The following TNNI3K variants were observed in gnomAD, a reference collection of about 807,000 sequenced individuals.
The protein encoded by TNNI3K is serine/threonine-protein kinase TNNI3K.
TNNI3K carries 140 observed loss-of-function variants against 114.5 expected under a neutral mutation model. That is an observed-to-expected ratio of 1.22 (90% CI 1.07 to 1.41). The LOEUF is 1.41. Ranked by LOEUF, TNNI3K falls within the 40% of genes most tolerant of loss-of-function variation. The pLI, the probability that TNNI3K is intolerant of heterozygous loss-of-function variation, is 0.00. For synonymous variants in TNNI3K, 347 were observed against 347.5 expected, an observed-to-expected ratio of 1.00 and a Z score of 0.02; for missense variants, 1,125 against 1,007.6, an observed-to-expected ratio of 1.12 and a Z score of -1.58.
At chr1:74,248,846 T>A (rs1232571042) in intron 2 of TNNI3K, among the ~76,000 whole-genome samples, 1 of 152,156 alleles carries the variant, frequency 6.6e-6, no homozygotes, top group East Asian at 1.9e-4. Context: ...TTCTGAAGGC[T>A]CTTATGTCTT....
chr1:74,504,734 T>C (rs982296940), intron 23 of TNNI3K, among the ~76,000 whole-genome samples: 1 of 152,012 alleles, frequency 6.6e-6, no homozygotes, highest in Admixed American at 6.5e-5. Flanking sequence ...CATATCCACC[T>C]GAGAGAGAGA....
At chr1:74,359,307 C>T (rs1372190415) in intron 11 of TNNI3K, among the ~76,000 whole-genome samples, 2 of 151,988 alleles carry the variant, frequency 1.3e-5, no homozygotes, top group Non-Finnish European at 2.9e-5. Flanking sequence ...ATAAGAATGG[C>T]GGCAGCTCTT....
chr1:74,520,203 T>C (rs1646411023), intron 23 of TNNI3K, among the ~76,000 whole-genome samples: 1 of 152,068 alleles, frequency 6.6e-6, no homozygotes, highest in Non-Finnish European at 1.5e-5. Context: ...TTCTTATGCA[T>C]GTGCATCCTC....
chr1:74,320,496 A>G (rs1175318943), intron 5 of TNNI3K, among the ~76,000 whole-genome samples: 1 of 152,252 alleles, frequency 6.6e-6, no homozygotes, highest in African/African-American at 2.4e-5. Context: ...TTAAGAAAGT[A>G]TCTTGCAATA....
intron 2 of TNNI3K, among the ~76,000 whole-genome samples, chr1:74,236,772 T>G (rs1005233036): frequency 6.6e-6 from 1 of 151,828 alleles, no homozygotes; most frequent in Non-Finnish European, 1.5e-5. Context: ...AAAAATAATC[T>G]AAGTGTCACA....
chr1:74,254,277 A>C (rs963031670), intron 4 of TNNI3K, among the ~76,000 whole-genome samples: 1 of 152,208 alleles, frequency 6.6e-6, no homozygotes, highest in Admixed American at 6.5e-5. Context: ...GCAATTATAA[A>C]ATTAAAAAGA....
At chr1:74,421,255 C>T (rs1383538575) in intron 17 of TNNI3K, among the ~76,000 whole-genome samples, 2 of 152,114 alleles carry the variant, frequency 1.3e-5, no homozygotes, top group African/African-American at 4.8e-5. Flanking sequence ...ACCTTACTGA[C>T]TTCTAATTGC....
At chr1:74,508,343 A>G (rs1458616689) in intron 23 of TNNI3K, among the ~76,000 whole-genome samples, 1 of 152,246 alleles carries the variant, frequency 6.6e-6, no homozygotes. Flanking sequence ...GTACCAGATA[A>G]CAGGCTATGG....
intron 4 of TNNI3K, among the ~76,000 whole-genome samples, chr1:74,260,530 A>G (rs537127450): frequency 1.3e-5 from 2 of 152,292 alleles, no homozygotes; most frequent in Admixed American, 6.5e-5. Context: ...AGAATTATCT[A>G]TTTTATTGTG....
chr1:74,406,973 T>C (rs1257285951), intron 17 of TNNI3K, among the ~76,000 whole-genome samples: 1 of 152,218 alleles, frequency 6.6e-6, no homozygotes, highest in African/African-American at 2.4e-5. Context: ...TTGTCAAAGT[T>C]AGTGTCTTTG....
At chr1:74,329,782 A>C (rs1359911885) in intron 5 of TNNI3K, among the ~76,000 whole-genome samples, 2 of 151,938 alleles carry the variant, frequency 1.3e-5, no homozygotes, top group African/African-American at 4.8e-5. Context: ...CCATTTTTTT[A>C]TCTTTAAAAT....
chr1:74,254,407 A>G (rs1374673112), intron 4 of TNNI3K, among the ~76,000 whole-genome samples: 3 of 152,188 alleles, frequency 2.0e-5, no homozygotes, highest in Non-Finnish European at 1.5e-5. Context: ...ATAGGATTCA[A>G]TCCACAATCA....
At chr1:74,511,023 A>T (rs1405279362) in intron 23 of TNNI3K, among the ~76,000 whole-genome samples, 1 of 149,138 alleles carries the variant, frequency 6.7e-6, no homozygotes, top group African/African-American at 2.5e-5. Context: ...AAGTAGCTGG[A>T]ATTACAGGCG....
chr1:74,515,754 G>C (rs1646340004), intron 23 of TNNI3K, among the ~76,000 whole-genome samples: 1 of 152,118 alleles, frequency 6.6e-6, no homozygotes, highest in South Asian at 2.1e-4. Context: ...CATTCAAGTA[G>C]GTCAAAAAAT....
At chr1:74,374,232 T>G (rs1455557200) in intron 17 of TNNI3K, 1 of 151,842 alleles carries the variant, frequency 6.6e-6, no homozygotes, top group Non-Finnish European at 1.5e-5. Context: ...CTATATATAC[T>G]AAGGAAAAGT....
At chr1:74,305,470 A>G (rs536227524) in intron 5 of TNNI3K, among the ~76,000 whole-genome samples, 3 of 152,178 alleles carry the variant, frequency 2.0e-5, no homozygotes, top group African/African-American at 7.2e-5. Context: ...AAACTAGAAA[A>G]CCCTTGAAGC....
chr1:74,458,463 C>T (rs563139925), intron 20 of TNNI3K, among the ~76,000 whole-genome samples: 6 of 152,134 alleles, frequency 3.9e-5, no homozygotes, highest in African/African-American at 1.2e-4. Context: ...ATTGAAGCAC[C>T]TCCTCCCATA....
At chr1:74,346,097 T>G (rs1313485139) in intron 9 of TNNI3K, 1 of 152,176 alleles carries the variant, frequency 6.6e-6, no homozygotes, top group Non-Finnish European at 1.5e-5. Flanking sequence ...CAGCAACAAT[T>G]TGGCACATTG....
intron 7 of TNNI3K, among the ~76,000 whole-genome samples, chr1:74,342,584 G>C (rs898083847): frequency 2.0e-5 from 3 of 152,160 alleles, no homozygotes; most frequent in Non-Finnish European, 2.9e-5. Flanking sequence ...CTGTTCCACT[G>C]TGTAAGATAG....
Sources: allele counts gnomAD v4.1 joint callset (sites outside exome capture counted in the v4.1 genomes callset), GRCh38; gene constraint gnomAD v4.1.1; transcripts MANE v1.5; gene names NCBI Gene and HGNC (gene_info 2026-07-23, HGNC 2026-07-21).